DLGAP2: variants seen among roughly 807,000 people sequenced by gnomAD.
The protein encoded by DLGAP2 is disks large-associated protein 2.
DLGAP2 carries 26 observed loss-of-function variants against 100.3 expected under a neutral mutation model. The ratio of observed to expected loss-of-function variants is 0.26; its 90% CI spans 0.19 to 0.36. DLGAP2 has a LOEUF of 0.36. Ranked by LOEUF, DLGAP2 falls within the 10% of genes least tolerant of loss-of-function variation. The pLI is 1.00. For synonymous variants in DLGAP2, 886 were observed against 630.1 expected (o/e 1.41, Z -6.08); for missense variants, 1,858 against 1,453.2 (o/e 1.28, Z -4.53).
chr8:1,335,155 T>G (rs1204628332), intron 3 of DLGAP2, among the ~76,000 whole-genome samples: 1 of 152,212 alleles, frequency 6.6e-6, no homozygotes, highest in East Asian at 1.9e-4. Flanking sequence ...AGATAATTTC[T>G]GGATTTCTTG....
intron 3 of DLGAP2, among the ~76,000 whole-genome samples, chr8:1,464,316 AAC>A (rs1563164898): frequency 3.8e-5 from 2 of 52,590 alleles, no homozygotes; most frequent in East Asian, 1.2e-3. Flanking sequence ...CTTCCAGGAC[AAC>A]GCCCTTCCAG....
intron 2 of DLGAP2, among the ~76,000 whole-genome samples, chr8:1,030,438 G>T (rs886644583): frequency 1.3e-5 from 2 of 152,188 alleles, no homozygotes; most frequent in African/African-American, 4.8e-5. Context: ...GAATCCAAAG[G>T]TGCCTGGGCT....
chr8:1,658,135 G>A (rs1585038904), intron 8 of DLGAP2, among the ~76,000 whole-genome samples: 1 of 152,026 alleles, frequency 6.6e-6, no homozygotes, highest in Non-Finnish European at 1.5e-5. Flanking sequence ...TCCCACCCTC[G>A]TCTTTTATTA....
chr8:1,329,062 T>TGCGACAG (rs1011260135), intron 3 of DLGAP2, among the ~76,000 whole-genome samples: 1 of 152,126 alleles, frequency 6.6e-6, no homozygotes, highest in African/African-American at 2.4e-5. Context: ...TTGGCTAAAC[T>TGCGACAG]GCGACAGGCG....
At chr8:776,821 A>G (rs975234403) in intron 1 of DLGAP2, among the ~76,000 whole-genome samples, 2 of 152,124 alleles carry the variant, frequency 1.3e-5, no homozygotes, top group Admixed American at 1.3e-4. Context: ...AAAAATGTAT[A>G]TTCTGTTGAT....
In DLGAP2 at chr8:1,022,748, A is replaced by G. The variant is rs539454582; in HGVS notation, c.73+114782A>G. On this transcript the variant is annotated intron_variant, in intron 2 of 14. Transcript: ENST00000637795. ...TGCCGAGGTAGATGCTCCAACCACA[A>G]TCCACCCTCCCTGGGAGTGGACAGT... 6.0e-5 allele frequency among the ~76,000 whole-genome samples: 9 copies of G among 148,946 alleles called. No homozygotes were observed. The East Asian group carries it at 1.0e-3, about 17-fold the overall frequency.
At chr8:1,672,569 G>T (rs995643913) in intron 10 of DLGAP2, among the ~76,000 whole-genome samples, 13 of 152,210 alleles carry the variant, frequency 8.5e-5, no homozygotes, top group African/African-American at 3.1e-4. Context: ...CAGGTTGTGA[G>T]AAGGCAGGGG....
intron 6 of DLGAP2, among the ~76,000 whole-genome samples, chr8:1,572,876 G>T (rs1221480373): frequency 1.5e-5 from 2 of 131,952 alleles, no homozygotes; most frequent in African/African-American, 5.8e-5. Context: ...GGGGGCATCT[G>T]ATGAGATGGA....
chr8:1,045,531 T>A (rs576723366), intron 2 of DLGAP2, among the ~76,000 whole-genome samples: 1 of 152,308 alleles, frequency 6.6e-6, no homozygotes, highest in East Asian at 1.9e-4. Flanking sequence ...CTTAGCAGTT[T>A]TCCACTATGC....
intron 3 of DLGAP2, among the ~76,000 whole-genome samples, chr8:1,267,614 AAG>A (rs1563052058): frequency 1.6e-5 from 2 of 124,436 alleles, no homozygotes; most frequent in African/African-American, 6.7e-5. Context: ...AAGATAAGAT[AAG>A]ATAAGATAAA....
At chr8:1,362,604 G>A (rs532925532) in intron 3 of DLGAP2, among the ~76,000 whole-genome samples, 112 of 152,242 alleles carry the variant, frequency 7.4e-4, no homozygotes, top group African/African-American at 2.6e-3. Context: ...CTGACGCGAG[G>A]CCATCTCTCC....
At position 1,563,814 on chromosome 8, in the gene DLGAP2, C is replaced by T. The variant is rs940194898; in HGVS notation, c.1231-1869C>T. ...GAAGACCTGCCTTCACCACCAGCCA[C>T]GCAGATCCCTGCTGGTAGTGCTGTC... On this transcript the variant is annotated intron_variant, in intron 5 of 14. Transcript: ENST00000637795. 4.6e-5 allele frequency among the ~76,000 whole-genome samples: 7 copies of T among 152,126 alleles called. No individual in the cohort carries two copies. In the East Asian group the frequency reaches 7.7e-4, roughly 17 times the overall value.
intron 3 of DLGAP2, among the ~76,000 whole-genome samples, chr8:1,452,364 A>C (rs7839699): frequency 6.6e-6 from 1 of 151,838 alleles, no homozygotes; most frequent in South Asian, 2.1e-4. Flanking sequence ...GAACAGCACC[A>C]AACATCAGCC....
At chr8:1,588,717 C>G (rs1796199338) in intron 6 of DLGAP2, among the ~76,000 whole-genome samples, 1 of 95,656 alleles carries the variant, frequency 1.0e-5, no homozygotes, top group Admixed American at 1.6e-4. Context: ...GTCTGGCCAA[C>G]ATGGTGAAAG....
chr8:1,079,623 G>T (rs1467827035), intron 2 of DLGAP2, among the ~76,000 whole-genome samples: 1 of 152,194 alleles, frequency 6.6e-6, no homozygotes, highest in Non-Finnish European at 1.5e-5. Context: ...AACATTTATG[G>T]ACTGTGAACG....
At chr8:1,672,228 ATT>A (rs150461910) in intron 10 of DLGAP2, among the ~76,000 whole-genome samples, 7 of 134,494 alleles carry the variant, frequency 5.2e-5, no homozygotes, top group Admixed American at 7.7e-5. Flanking sequence ...TTTATTTTTA[ATT>A]TTTTTTTTTT....
chr8:944,988 G>T (rs1374257028), intron 2 of DLGAP2, among the ~76,000 whole-genome samples: 3 of 152,182 alleles, frequency 2.0e-5, no homozygotes, highest in African/African-American at 7.2e-5. Flanking sequence ...GTGATAGTTG[G>T]TCACTTCTGG....
chr8:1,374,703 G>T (rs562152574), intron 3 of DLGAP2, among the ~76,000 whole-genome samples: 42 of 150,074 alleles, frequency 2.8e-4, no homozygotes, highest in African/African-American at 9.5e-4. Flanking sequence ...CATCCTTTTT[G>T]ACTTTGTTTT....
chr8:1,481,639 C>T (rs765792529), intron 3 of DLGAP2, among the ~76,000 whole-genome samples: 20 of 151,670 alleles, frequency 1.3e-4, no homozygotes, highest in Non-Finnish European at 2.8e-4. Flanking sequence ...CCACCACGCC[C>T]GGCTAATTTT....
Sources: gnomAD v4.1 joint callset for allele counts (sites outside exome capture counted in the v4.1 genomes callset) on GRCh38, gnomAD v4.1.1 for gene constraint, MANE v1.5 for transcripts, NCBI Gene and HGNC (gene_info 2026-07-23, HGNC 2026-07-21) for gene names.